Variants in NRXN1 observed in about 807,000 individuals in gnomAD.
The protein encoded by NRXN1 is neurexin-1.
A neutral mutation model predicts 150.9 loss-of-function variants in NRXN1; 39 were observed. The ratio of observed to expected loss-of-function variants is 0.26; its 90% CI spans 0.20 to 0.34. The LOEUF (loss-of-function observed/expected upper bound fraction) is 0.34. Ranked by LOEUF, NRXN1 falls within the 10% of genes least tolerant of loss-of-function variation. NRXN1 has a pLI of 1.00. For synonymous variants in NRXN1, 924 were observed against 757.0 expected, an observed-to-expected ratio of 1.22 and a Z score of -3.62; for missense variants, 1,815 against 1,949.9, an observed-to-expected ratio of 0.93 and a Z score of 1.30.
In NRXN1 at chr2:50,529,577, A is replaced by T. The variant is rs548919249; in HGVS notation, c.2348-926T>A. On this transcript the variant is annotated intron_variant, in intron 11 of 22. Coordinates refer to ENST00000401669, the MANE Select transcript of NRXN1 (RefSeq NM_001330078.2). Reference sequence around the variant, plus strand: ...ATTATTTAATGCCTTTGGAGAACATAAAAAAATAAACCTAGATTCTGTTTC... The same window carrying T: ...ATTATTTAATGCCTTTGGAGAACATTAAAAAATAAACCTAGATTCTGTTTC... 3.3e-5 allele frequency among the ~76,000 whole-genome samples: 5 copies of T among 152,268 alleles called. No individual in the cohort carries two copies. The East Asian group carries it at 7.7e-4, about 23-fold the overall frequency.
intron 5 of NRXN1, among the ~76,000 whole-genome samples, chr2:50,699,934 C>T (rs1405882664): frequency 6.6e-6 from 1 of 152,174 alleles, no homozygotes; most frequent in African/African-American, 2.4e-5. Context: ...CACCAACTTC[C>T]TCTAAGCTCC....
chr2:50,994,880 G>A (rs368927242), intron 2 of NRXN1, among the ~76,000 whole-genome samples: 4 of 151,638 alleles, frequency 2.6e-5, no homozygotes, highest in South Asian at 2.1e-4. Context: ...ACATACAAAC[G>A]GTGATGCAAT....
chr2:50,995,335 C>T (rs147407678), intron 2 of NRXN1, among the ~76,000 whole-genome samples: 2 of 152,070 alleles, frequency 1.3e-5, no homozygotes, highest in Non-Finnish European at 2.9e-5. Context: ...CAGTGGCTCA[C>T]ACCTGTAATC....
At chr2:50,713,672 A>C (rs2105063513) in intron 5 of NRXN1, among the ~76,000 whole-genome samples, 1 of 152,340 alleles carries the variant, frequency 6.6e-6, no homozygotes, top group South Asian at 2.1e-4. Flanking sequence ...GTATGTGTCC[A>C]AATGTACTTC....
chr2:51,025,374 T>G (rs1022914983), intron 2 of NRXN1, among the ~76,000 whole-genome samples: 3 of 152,196 alleles, frequency 2.0e-5, no homozygotes, highest in Non-Finnish European at 4.4e-5. Flanking sequence ...TTCAGATACA[T>G]CTAATTCTGC....
chr2:50,376,782 TA>T (rs1324453070), intron 17 of NRXN1, among the ~76,000 whole-genome samples: 22 of 152,236 alleles, frequency 1.4e-4, no homozygotes, highest in Admixed American at 7.9e-4. Flanking sequence ...ATCACAGATT[TA>T]GAGTTGAAGA....
chr2:50,099,142 C>A (rs1440646061), intron 18 of NRXN1, among the ~76,000 whole-genome samples: 1 of 151,832 alleles, frequency 6.6e-6, no homozygotes, highest in East Asian at 1.9e-4. Flanking sequence ...ATCTCTTGGT[C>A]CTAAGAATGT....
chr2:50,011,801 C>T (rs1417945277), intron 21 of NRXN1, among the ~76,000 whole-genome samples: 2 of 151,922 alleles, frequency 1.3e-5, no homozygotes, highest in Admixed American at 6.6e-5. Context: ...AAGAAGAAGG[C>T]AAAGAATCAT....
intron 5 of NRXN1, among the ~76,000 whole-genome samples, chr2:50,727,878 C>A (rs1383951617): frequency 6.6e-6 from 1 of 152,056 alleles, no homozygotes; most frequent in East Asian, 1.9e-4. Flanking sequence ...AATCCTCATC[C>A]TGTTAACAAG....
chr2:50,698,926 T>C (rs1313366676), intron 5 of NRXN1, among the ~76,000 whole-genome samples: 1 of 152,218 alleles, frequency 6.6e-6, no homozygotes, highest in African/African-American at 2.4e-5. Flanking sequence ...ATTTGACTCA[T>C]AGCTCTACCA....
intron 17 of NRXN1, among the ~76,000 whole-genome samples, chr2:50,321,250 A>G (rs1234800226): frequency 6.6e-6 from 1 of 152,214 alleles, no homozygotes; most frequent in Non-Finnish European, 1.5e-5. Context: ...AGCGATATAT[A>G]AAGTATCCAG....
intron 2 of NRXN1, among the ~76,000 whole-genome samples, chr2:50,957,070 A>G (rs1046787112): frequency 2.0e-5 from 3 of 152,208 alleles, no homozygotes; most frequent in African/African-American, 7.2e-5. Context: ...AATGTTCTCT[A>G]TGCTTGGAAT....
intron 5 of NRXN1, among the ~76,000 whole-genome samples, chr2:50,907,353 C>A (rs1482508857): frequency 6.6e-6 from 1 of 152,026 alleles, no homozygotes; most frequent in Non-Finnish European, 1.5e-5. Context: ...GGGTCTTCAA[C>A]TCTGAAAGTG....
At chr2:50,168,609 G>A (rs1318418174) in intron 18 of NRXN1, among the ~76,000 whole-genome samples, 2 of 152,110 alleles carry the variant, frequency 1.3e-5, no homozygotes, top group Non-Finnish European at 2.9e-5. Flanking sequence ...TTTTGAGGTT[G>A]CCAGAATCTT....
rs1573617496 is a variant in NRXN1 at position 50,577,174 on chromosome 2, T to C, written c.1321-24149A>G. On this transcript the variant is annotated intron_variant, in intron 8 of 22. Coordinates refer to ENST00000401669, the MANE Select transcript of NRXN1 (RefSeq NM_001330078.2). ...CATGCAGAAATCAATGAATAAGTAATGTAAGCTGAGAGACAACTCTGAAAC... is the reference window on the plus strand; with the variant it reads ...CATGCAGAAATCAATGAATAAGTAACGTAAGCTGAGAGACAACTCTGAAAC... Among the ~76,000 whole-genome samples, 3 of 152,250 alleles carry C rather than the reference T, an allele frequency of 2.0e-5. No homozygotes were observed. In the South Asian group the frequency reaches 6.2e-4, roughly 32 times the overall value.
intron 5 of NRXN1, among the ~76,000 whole-genome samples, chr2:50,788,150 G>A (rs1301874962): frequency 6.6e-6 from 1 of 150,884 alleles, no homozygotes; most frequent in African/African-American, 2.4e-5. Context: ...GTAGTGGCGC[G>A]ATCTTGGCTC....
chr2:50,293,544 T>A (rs2073201070), intron 17 of NRXN1, among the ~76,000 whole-genome samples: 1 of 152,142 alleles, frequency 6.6e-6, no homozygotes, highest in Non-Finnish European at 1.5e-5. Context: ...GCTTCGTAGA[T>A]CCCTGTCTCC....
intron 10 of NRXN1, among the ~76,000 whole-genome samples, chr2:50,536,991 A>G (rs1204602751): frequency 6.6e-6 from 1 of 152,154 alleles, no homozygotes; most frequent in African/African-American, 2.4e-5. Context: ...CAATAATAAC[A>G]GCATATGGTA....
chr2:50,309,743 C>T (rs2075005297), intron 17 of NRXN1, among the ~76,000 whole-genome samples: 1 of 152,096 alleles, frequency 6.6e-6, no homozygotes, highest in Non-Finnish European at 1.5e-5. Context: ...CCAGCTGCCT[C>T]CTAGGAAATA....
Sources: allele counts gnomAD v4.1 joint callset (sites outside exome capture counted in the v4.1 genomes callset), GRCh38; gene constraint gnomAD v4.1.1; transcripts MANE v1.5; gene names NCBI Gene and HGNC (gene_info 2026-07-23, HGNC 2026-07-21).